The following HEPACAM2 variants were observed in gnomAD, a reference collection of about 807,000 sequenced individuals.
HEPACAM2 encodes the protein HEPACAM family member 2, also known as mitotic kinetics regulator.
HEPACAM2 carries 49 observed loss-of-function variants against 49.6 expected under a neutral mutation model. That is an observed-to-expected ratio of 0.99 (90% CI 0.78 to 1.25). The LOEUF (loss-of-function observed/expected upper bound fraction) is 1.25, where lower values mean the gene tolerates loss of function less well. Ranked by LOEUF, HEPACAM2 falls within the 50% of genes most tolerant of loss-of-function variation. HEPACAM2 has a pLI of 0.00. For missense variants in HEPACAM2, 525 were observed against 557.2 expected (o/e 0.94, Z 0.58); for synonymous variants, 197 against 202.9 (o/e 0.97, Z 0.25).
intron 8 of HEPACAM2, among the ~76,000 whole-genome samples, chr7:93,193,154 G>A (rs967697595): frequency 2.0e-5 from 3 of 151,894 alleles, no homozygotes; most frequent in Admixed American, 1.3e-4. Context: ...CCTTCACCTC[G>A]AGGGCTCTTT....
At chr7:93,200,950 C>T (rs1187633121) in intron 4 of HEPACAM2, among the ~76,000 whole-genome samples, 1 of 152,110 alleles carries the variant, frequency 6.6e-6, no homozygotes, top group Non-Finnish European at 1.5e-5. Flanking sequence ...CACACATACC[C>T]ACACTAACTC....
Position 93,191,719 on chromosome 7 carries a change from T to C in HEPACAM2, c.1385+535A>G, listed in dbSNP as rs138773344. 9.6e-3 allele frequency among the ~76,000 whole-genome samples: 1,462 copies of C among 152,150 alleles called. 27 individuals are homozygous for C. Among genetic ancestry groups the C allele is most frequent in the African/African-American group, 0.033 (1,376 of 41,550 alleles). On this transcript the variant is annotated intron_variant, in intron 9 of 9. Coordinates refer to ENST00000394468, the MANE Select transcript of HEPACAM2 (RefSeq NM_001039372.4). Reference sequence around the variant, plus strand: ...TTCCCAGCTTTGTCCTCAGTACAGGTTTTGTCCTCTATGGGTGAGAGGCCA... The same window carrying C: ...TTCCCAGCTTTGTCCTCAGTACAGGCTTTGTCCTCTATGGGTGAGAGGCCA...
chr7:93,203,232 G>T (rs1038078988), intron 4 of HEPACAM2, among the ~76,000 whole-genome samples: 3 of 152,096 alleles, frequency 2.0e-5, no homozygotes, highest in Non-Finnish European at 2.9e-5. Flanking sequence ...AGAGCATTCT[G>T]GCTCTCTGCT....
upstream of HEPACAM2, among the ~76,000 whole-genome samples, chr7:93,227,998 C>A (rs1338815572): frequency 6.6e-6 from 1 of 152,132 alleles, no homozygotes; most frequent in African/African-American, 2.4e-5. Context: ...TATTGGATTG[C>A]ACAAAATACA....
chr7:93,209,657 C>A (rs1794128482), intron 3 of HEPACAM2, among the ~76,000 whole-genome samples: 1 of 151,902 alleles, frequency 6.6e-6, no homozygotes, highest in Admixed American at 6.6e-5. Flanking sequence ...TCTATTAGAT[C>A]AACTTTTTAG....
rs530879775 is a variant in HEPACAM2, at chr7:93,220,456, C to T, written c.80-1005G>A. On this transcript the variant is annotated intron_variant, in intron 1 of 9. Coordinates refer to ENST00000394468, the MANE Select transcript of HEPACAM2 (RefSeq NM_001039372.4). ...AAAGAGGATGCCAAGCTTCTTGACT[C>T]GGACCAACTGGAAGAAAGGAATTGC... is the stretch of plus-strand genomic sequence containing the variant. Among the ~76,000 whole-genome samples, 18 of 152,282 alleles carry T rather than the reference C, an allele frequency of 1.2e-4. No individual in the cohort carries two copies. In the South Asian group the frequency reaches 2.1e-3, roughly 18 times the overall value.
intron 4 of HEPACAM2, among the ~76,000 whole-genome samples, chr7:93,203,070 C>T (rs990200668): frequency 6.6e-6 from 1 of 152,114 alleles, no homozygotes. Context: ...CCTGTGTTTG[C>T]CCTACATCAG....
At chr7:93,196,012 A>C in intron 7 of HEPACAM2, 111 bp from the exon 8 acceptor site, 1 of 717,524 alleles carries the variant, frequency 1.4e-6, no homozygotes, top group Non-Finnish European at 2.4e-6. Flanking sequence ...TATAGGTACA[A>C]AATGAATTTA....
At chr7:93,230,210 C>G (rs1034588095), upstream of HEPACAM2, among the ~76,000 whole-genome samples, 1 of 152,106 alleles carries the variant, frequency 6.6e-6, no homozygotes, top group South Asian at 2.1e-4. Flanking sequence ...GGGGGATCAT[C>G]TTTAACTTTG....
intron 8 of HEPACAM2, among the ~76,000 whole-genome samples, chr7:93,193,597 A>G (rs1793610560): frequency 6.6e-6 from 1 of 152,112 alleles, no homozygotes. Flanking sequence ...CAATATGCCA[A>G]GAGATTATTT....
intron 3 of HEPACAM2, among the ~76,000 whole-genome samples, chr7:93,211,689 G>A (rs918246117): frequency 1.4e-4 from 21 of 152,052 alleles, no homozygotes; most frequent in African/African-American, 5.1e-4. Flanking sequence ...AGAACATTAG[G>A]GAAGGAAAGA....
Position 93,207,632 on chromosome 7 carries a change from G to A in HEPACAM2, c.1012+948C>T, listed in dbSNP as rs902012699. Among the ~76,000 whole-genome samples, 9 of 151,960 alleles carry A rather than the reference G, an allele frequency of 5.9e-5. No homozygotes were observed. The South Asian group carries it at 1.2e-3, about 21-fold the overall frequency. On this transcript the variant is annotated intron_variant, in intron 4 of 9. Coordinates refer to ENST00000394468, the MANE Select transcript of HEPACAM2 (RefSeq NM_001039372.4). ...GGACCAGGGAATAGGCAAGAGGAAT[G>A]AGTCTGAGATGACATTTAGCTTTCT...
intron 2 of HEPACAM2, among the ~76,000 whole-genome samples, chr7:93,216,423 T>C (rs1794309341): frequency 6.6e-6 from 1 of 152,176 alleles, no homozygotes; most frequent in Non-Finnish European, 1.5e-5. Context: ...AGTCAAGTCA[T>C]AGGAAAATAG....
intron 1 of HEPACAM2, chr7:93,225,878 C>G: frequency 7.4e-7 from 1 of 1,343,806 alleles, no homozygotes; most frequent in Non-Finnish European, 1.0e-6. Flanking sequence ...AGTTTGGAAT[C>G]TTACCTTTCT....
rs144868250 is a variant in HEPACAM2 at position 93,214,585 on chromosome 7, G to A, written c.715+816C>T. ...TAAAGTGTGAACTTACTCAAATTGG[G>A]GTATTCTCATTCTTTCAAATAACAT... is the stretch of plus-strand genomic sequence containing the variant. On this transcript the variant is annotated intron_variant, in intron 3 of 9. Transcript: ENST00000394468. Among the ~76,000 whole-genome samples, 154 of 152,174 alleles carry A rather than the reference G, an allele frequency of 1.0e-3. 1 individual carries two copies. The highest frequency in any genetic ancestry group is 9.0e-4 in the Non-Finnish European group (61 of 67,974).
chr7:93,208,506 A>T (rs1006093282), intron 4 of HEPACAM2, 74 bp downstream of exon 4: 43 of 1,256,194 alleles, frequency 3.4e-5, no homozygotes, highest in Non-Finnish European at 4.7e-5. Flanking sequence ...CTACCTAGGT[A>T]TAAGATAGGG....
At chr7:93,206,934 A>G (rs1794043949) in intron 4 of HEPACAM2, among the ~76,000 whole-genome samples, 1 of 152,080 alleles carries the variant, frequency 6.6e-6, no homozygotes, top group African/African-American at 2.4e-5. Context: ...TAAATTCAAA[A>G]CACTCTGGAG....
chr7:93,229,620 T>G (rs1269106786), upstream of HEPACAM2, among the ~76,000 whole-genome samples: 1 of 152,192 alleles, frequency 6.6e-6, no homozygotes, highest in Non-Finnish European at 1.5e-5. Flanking sequence ...TTTACTTAAC[T>G]CTTGGCTCTG....
chr7:93,195,749 G>A, intron 8 of HEPACAM2, 79 bp downstream of exon 8: 1 of 1,079,258 alleles, frequency 9.3e-7, no homozygotes, highest in East Asian at 2.4e-5. Flanking sequence ...ACACTGCCCA[G>A]TGCTTAAACA....
Sources: gnomAD v4.1 joint callset for allele counts (sites outside exome capture counted in the v4.1 genomes callset) on GRCh38, gnomAD v4.1.1 for gene constraint, MANE v1.5 for transcripts, NCBI Gene and HGNC (gene_info 2026-07-23, HGNC 2026-07-21) for gene names.